ARID3B: variants seen among roughly 807,000 people sequenced by gnomAD.
ARID3B encodes the protein AT-rich interaction domain 3B, also known as AT-rich interactive domain-containing protein 3B.
Under a neutral mutation model 51.9 loss-of-function variants are expected in ARID3B, and 10 were observed. The ratio of observed to expected loss-of-function variants is 0.19; its 90% CI spans 0.12 to 0.33. The LOEUF (loss-of-function observed/expected upper bound fraction) is 0.33, where lower values mean the gene tolerates loss of function less well. ARID3B is among the 10% of genes least tolerant of loss of function. The pLI is 1.00. For synonymous variants in ARID3B, 205 were observed against 279.5 expected (o/e 0.73, Z 2.66); for missense variants, 483 against 716.3 (o/e 0.67, Z 3.72).
chr15:74,590,418 C>T (rs577178930), intron 5 of ARID3B, among the ~76,000 whole-genome samples: 2 of 152,320 alleles, frequency 1.3e-5, no homozygotes, highest in East Asian at 3.9e-4. Context: ...ACAGCATCTC[C>T]ACCCCAAGTG....
At chr15:74,585,295 A>AG (rs1681596965) in intron 4 of ARID3B, among the ~76,000 whole-genome samples, 1 of 152,226 alleles carries the variant, frequency 6.6e-6, no homozygotes, top group African/African-American at 2.4e-5. Flanking sequence ...TCTCAGGTGA[A>AG]GAGCTTCCTT....
chr15:74,591,311 G>C lies in ARID3B; in HGVS notation c.1042G>C (p.Ala348Pro). 4 of 1,613,874 alleles carry C rather than the reference G, an allele frequency of 2.5e-6. No homozygotes were observed. Among genetic ancestry groups the C allele is most frequent in the Non-Finnish European group, 3.4e-6 (4 of 1,179,936 alleles). ...ACCTGCTGCGGCTACTGCTGCTGCCGCTGCCGGGGCCCCTGCCCTTCTCTC... is the reference window on the plus strand; with the variant it reads ...ACCTGCTGCGGCTACTGCTGCTGCCCCTGCCGGGGCCCCTGCCCTTCTCTC... ...YSPAAATAAA[A>P]AGAPALLSPP... Residue 348 changes from alanine (A) to proline (P), a missense_variant, in exon 6 of 9, where the codon GCT becomes CCT. Ala to Pro is a conservative substitution (Grantham distance 27). Coordinates refer to ENST00000346246, the MANE Select transcript of ARID3B (RefSeq NM_006465.4). This position sits in a 1 kb window ranked among gnomAD's most constrained non-coding sequence, Gnocchi z 5.8.
At chr15:74,583,554 TA>T (rs1191615605) in intron 4 of ARID3B, among the ~76,000 whole-genome samples, 1 of 151,540 alleles carries the variant, frequency 6.6e-6, no homozygotes, top group Non-Finnish European at 1.5e-5. Flanking sequence ...CTGTCTCCAC[TA>T]AAAATGCAAA....
At chr15:74,587,250 C>CT (rs2061784954) in intron 4 of ARID3B, among the ~76,000 whole-genome samples, 1 of 152,216 alleles carries the variant, frequency 6.6e-6, no homozygotes, top group Non-Finnish European at 1.5e-5. Flanking sequence ...CTGCAGGCAT[C>CT]TAACTGTGGG....
At chr15:74,545,574 A>AGTAAGGGAGTTGTTGT (rs2061612812) in intron 2 of ARID3B, among the ~76,000 whole-genome samples, 1 of 152,224 alleles carries the variant, frequency 6.6e-6, no homozygotes, top group African/African-American at 2.4e-5. Flanking sequence ...AAGTTGTTCC[A>AGTAAGGGAGTTGTTGT]GCTTAAGTGA....
intron 2 of ARID3B, among the ~76,000 whole-genome samples, chr15:74,547,088 A>C (rs2061618555): frequency 6.6e-6 from 1 of 152,150 alleles, no homozygotes; most frequent in East Asian, 1.9e-4. Context: ...AATGGAGTGC[A>C]AAAATAGAAT....
intron 2 of ARID3B, among the ~76,000 whole-genome samples, chr15:74,552,813 C>A (rs941014785): frequency 1.3e-5 from 2 of 152,086 alleles, no homozygotes; most frequent in Non-Finnish European, 2.9e-5. Flanking sequence ...TCTGGACATA[C>A]CACAGTTTAT....
chr15:74,562,337 C>T (rs1207375542), intron 2 of ARID3B, among the ~76,000 whole-genome samples: 2 of 152,092 alleles, frequency 1.3e-5, no homozygotes, highest in Non-Finnish European at 2.9e-5. Flanking sequence ...GACTGGGTTT[C>T]ACCATGTTGG....
intron 2 of ARID3B, among the ~76,000 whole-genome samples, chr15:74,569,250 G>A (rs993213465): frequency 1.3e-5 from 2 of 152,184 alleles, no homozygotes; most frequent in African/African-American, 4.8e-5. Context: ...CAATGAAAGG[G>A]GGAGGGGAAG....
In ARID3B at chr15:74,597,365, C is replaced by T. The variant is rs1301760397; in HGVS notation, c.*1591C>T. 2 of 430,912 alleles carry T rather than the reference C, an allele frequency of 4.6e-6. No homozygotes were observed. The highest frequency in any genetic ancestry group is 3.6e-5 in the Admixed American group (1 of 27,754). The allele number at this position is 430,912 out of a possible 1,614,324, so 26.7% of individuals were successfully genotyped here. A position where few individuals can be genotyped will look rare whatever the true frequency, so the allele number is the denominator to read the frequency against. ...CGCGTGGCGTGGGTGTGTGTGGCAG[C>T]GTGGCTCGCATTCAGTCCTGTGTAG... On this transcript the variant is annotated 3_prime_UTR_variant, in exon 9 of 9. Transcript: ENST00000346246.
chr15:74,556,071 C>T (rs1362890399), intron 2 of ARID3B, among the ~76,000 whole-genome samples: 2 of 152,150 alleles, frequency 1.3e-5, no homozygotes, highest in African/African-American at 4.8e-5. Context: ...GGATTACAGG[C>T]TTGAGCCACC....
chr15:74,567,037 G>A (rs2061701940), intron 2 of ARID3B, among the ~76,000 whole-genome samples: 1 of 151,806 alleles, frequency 6.6e-6, no homozygotes, highest in African/African-American at 2.4e-5. Context: ...AACAAAAATG[G>A]GCCACTAAAG....
At chr15:74,595,525 G>T in intron 8 of ARID3B, 86 bp from the exon 9 acceptor site, 1 of 1,478,638 alleles carries the variant, frequency 6.8e-7, no homozygotes, top group Non-Finnish European at 9.2e-7. Flanking sequence ...GCACAGGCTA[G>T]GCCAGCGGTG....
Position 74,556,776 on chromosome 15 carries a change from G to GTTTTT in ARID3B, c.552+12300_552+12304dup, listed in dbSNP as rs1283802329. 5.1e-4 allele frequency among the ~76,000 whole-genome samples: 62 copies of GTTTTT among 122,518 alleles called. 1 individual carries two copies. The highest frequency in any genetic ancestry group is 1.5e-3 in the African/African-American group (48 of 31,958). 80.4% of individuals were successfully genotyped at this position (122,518 alleles called of 152,430 possible). On this transcript the variant is annotated intron_variant, in intron 2 of 8. Coordinates refer to ENST00000346246, the MANE Select transcript of ARID3B (RefSeq NM_006465.4). Reference sequence around the variant, plus strand: ...TCCTTTTTTCTTTTTTTTGTTTTTTGTTTTTTTTTTTTTTTTGAGACGGAG... The same window carrying GTTTTT: ...TCCTTTTTTCTTTTTTTTGTTTTTTGTTTTTTTTTTTTTTTTTTTTTGAGACGGAG...
At chr15:74,567,828 A>T (rs1157054675) in intron 2 of ARID3B, among the ~76,000 whole-genome samples, 1 of 152,204 alleles carries the variant, frequency 6.6e-6, no homozygotes. Context: ...TTAGATTTTC[A>T]AAGATAGTCT....
chr15:74,591,125 C>A lies in ARID3B; in HGVS notation c.882-26C>A. 2 of 1,566,404 alleles carry A rather than the reference C, an allele frequency of 1.3e-6. No individual in the cohort carries two copies. The highest frequency in any genetic ancestry group is 2.4e-5 in the South Asian group (2 of 84,234). The stretch of plus-strand genomic sequence containing the variant: ...GTCTCTGGTGCTGTTTTGGATTATT[C>A]TCCCTGCTTGCTTCCTTTCCTCCAG... On this transcript the variant is annotated intron_variant, in intron 5 of 8. Transcript: ENST00000346246. The surrounding 1 kb of genome is among the most constrained non-coding windows in gnomAD (Gnocchi z 5.8).
intron 2 of ARID3B, among the ~76,000 whole-genome samples, chr15:74,564,875 A>G (rs899219161): frequency 6.6e-6 from 1 of 152,092 alleles, no homozygotes; most frequent in Non-Finnish European, 1.5e-5. Flanking sequence ...TGCTGAGATT[A>G]CAGTCATGAG....
chr15:74,543,758 G>A (rs1218007202), intron 1 of ARID3B, 102 bp from the exon 2 acceptor site: 6 of 715,168 alleles, frequency 8.4e-6, no homozygotes, highest in East Asian at 2.7e-5. Flanking sequence ...TTTAGCGTTC[G>A]GAACTCATGG....
At chr15:74,551,387 G>T (rs1359369593) in intron 2 of ARID3B, among the ~76,000 whole-genome samples, 1 of 152,208 alleles carries the variant, frequency 6.6e-6, no homozygotes, top group Non-Finnish European at 1.5e-5. Context: ...ATAGGGATAT[G>T]TGTGTATTGT....
Sources: gnomAD v4.1 joint callset for allele counts (sites outside exome capture counted in the v4.1 genomes callset) on GRCh38, gnomAD v4.1.1 for gene constraint, Gnocchi (gnomAD v3.1) non-coding constraint, MANE v1.5 for transcripts, NCBI Gene and HGNC (gene_info 2026-07-23, HGNC 2026-07-21) for gene names.